Variants in LRFN5 observed in about 807,000 individuals in gnomAD.
The protein encoded by LRFN5 is leucine rich repeat and fibronectin type III domain containing 5, also known as leucine-rich repeat and fibronectin type-III domain-containing protein 5.
A neutral mutation model predicts 45.6 loss-of-function variants in LRFN5; 24 were observed. The observed-to-expected ratio is 0.53, with a 90% CI of 0.38 to 0.74. The LOEUF (loss-of-function observed/expected upper bound fraction) is 0.74, where lower values mean the gene tolerates loss of function less well. Among genes scored for constraint, LRFN5 ranks in the 30% least tolerant of loss-of-function variants. The pLI is 0.00. For synonymous variants in LRFN5, 340 were observed against 313.8 expected (o/e 1.08, Z -0.88); for missense variants, 776 against 861.5 (o/e 0.90, Z 1.24).
intron 1 of LRFN5, among the ~76,000 whole-genome samples, chr14:41,711,914 G>A (rs1883300943): frequency 6.6e-6 from 1 of 152,154 alleles, no homozygotes; most frequent in Admixed American, 6.5e-5. Flanking sequence ...GAATCAAAAT[G>A]ATGCTTAGGA....
chr14:41,814,048 A>G (rs1274231529), intron 2 of LRFN5, among the ~76,000 whole-genome samples: 1 of 151,764 alleles, frequency 6.6e-6, no homozygotes, highest in Non-Finnish European at 1.5e-5. Context: ...GTTCCTTGAG[A>G]TTCTGCATAT....
At chr14:41,728,687 T>C (rs772095476) in intron 1 of LRFN5, among the ~76,000 whole-genome samples, 18 of 152,288 alleles carry the variant, frequency 1.2e-4, no homozygotes, top group Non-Finnish European at 2.2e-4. Flanking sequence ...CACATAAGAA[T>C]GGGAAAGATT....
In LRFN5 at chr14:41,657,920, G is replaced by T. The variant is rs1490251984; in HGVS notation, c.-197+49358G>T. On this transcript the variant is annotated intron_variant, in intron 1 of 5. Coordinates refer to ENST00000298119, the MANE Select transcript of LRFN5 (RefSeq NM_152447.5). ...AAAGAGCTTGTTGAAAACCAGCTTG[G>T]GAGAAAAAGAAAAAAAAAAAACCTC... is the stretch of plus-strand genomic sequence containing the variant. Among the ~76,000 whole-genome samples, 4 of 150,624 alleles carry T rather than the reference G, an allele frequency of 2.7e-5. No individual in the cohort carries two copies. In the South Asian group the frequency reaches 8.3e-4, roughly 31 times the overall value.
At chr14:41,643,454 TC>T (rs1479425965) in intron 1 of LRFN5, among the ~76,000 whole-genome samples, 1 of 152,086 alleles carries the variant, frequency 6.6e-6, no homozygotes, top group Non-Finnish European at 1.5e-5. Flanking sequence ...AAATCCCCTT[TC>T]CCCCCACATA....
intron 4 of LRFN5, chr14:41,892,373 G>C: frequency 7.1e-6 from 7 of 984,890 alleles, no homozygotes; most frequent in Non-Finnish European, 8.4e-6. Context: ...AAATGGATAA[G>C]GGAAAAAGCA....
intron 1 of LRFN5, among the ~76,000 whole-genome samples, chr14:41,757,799 A>T (rs1189080403): frequency 6.6e-6 from 1 of 152,056 alleles, no homozygotes; most frequent in African/African-American, 2.4e-5. Flanking sequence ...AGTGAGATGA[A>T]CCCGGTACCT....
chr14:41,767,258 T>G (rs779861561), intron 2 of LRFN5, among the ~76,000 whole-genome samples: 8 of 152,154 alleles, frequency 5.3e-5, no homozygotes, highest in Non-Finnish European at 1.2e-4. Flanking sequence ...CTGATTTTTT[T>G]TTTTAGGATT....
chr14:41,613,482 C>G (rs549513700), intron 1 of LRFN5, among the ~76,000 whole-genome samples: 77 of 151,954 alleles, frequency 5.1e-4, no homozygotes, highest in Middle Eastern at 3.5e-3. Context: ...TCAAAGCTCA[C>G]ACTGTTCTTG....
chr14:41,843,136 A>C (rs1022378681), intron 2 of LRFN5, among the ~76,000 whole-genome samples: 1 of 134,396 alleles, frequency 7.4e-6, no homozygotes, highest in Non-Finnish European at 1.5e-5. Flanking sequence ...CCCAGGATGG[A>C]GTGTAGTGAT....
intron 2 of LRFN5, among the ~76,000 whole-genome samples, chr14:41,768,641 A>T (rs959341508): frequency 2.0e-5 from 3 of 152,246 alleles, no homozygotes; most frequent in Admixed American, 6.5e-5. Flanking sequence ...AAAATGTAAA[A>T]ATAGTGTGTT....
At chr14:41,835,995 A>G (rs532781048) in intron 2 of LRFN5, among the ~76,000 whole-genome samples, 2 of 152,146 alleles carry the variant, frequency 1.3e-5, no homozygotes, top group African/African-American at 4.8e-5. Context: ...TATAATACAA[A>G]TACTATAATA....
chr14:41,808,341 G>GGGAGGGATGGAGGAAGGAAGGAAT (rs1887600885), intron 2 of LRFN5, among the ~76,000 whole-genome samples: 2 of 123,112 alleles, frequency 1.6e-5, no homozygotes, highest in Non-Finnish European at 3.4e-5. Flanking sequence ...AAGGAAGGAA[G>GGGAGGGATGGAGGAAGGAAGGAAT]GGAGGGATGA....
At chr14:41,658,397 G>A (rs374992758) in intron 1 of LRFN5, among the ~76,000 whole-genome samples, 1 of 151,868 alleles carries the variant, frequency 6.6e-6, no homozygotes, top group East Asian at 1.9e-4. Context: ...ATTAATACAT[G>A]GAACTTTGTC....
At chr14:41,872,771 A>T (rs1166478815) in intron 2 of LRFN5, among the ~76,000 whole-genome samples, 1 of 152,228 alleles carries the variant, frequency 6.6e-6, no homozygotes, top group African/African-American at 2.4e-5. Flanking sequence ...CAAAACAAAC[A>T]TTCTGGGCAA....
chr14:41,618,015 T>A (rs1887982737), intron 1 of LRFN5, among the ~76,000 whole-genome samples: 1 of 152,112 alleles, frequency 6.6e-6, no homozygotes, highest in Admixed American at 6.5e-5. Flanking sequence ...GTGCTTCAGG[T>A]GTTACTCCTG....
chr14:41,704,353 T>C (rs1241085174), intron 1 of LRFN5, among the ~76,000 whole-genome samples: 4 of 151,502 alleles, frequency 2.6e-5, no homozygotes, highest in Non-Finnish European at 5.9e-5. Flanking sequence ...GTATTGCTTG[T>C]ACCTCACTTT....
At chr14:41,830,733 G>C (rs573953690) in intron 2 of LRFN5, among the ~76,000 whole-genome samples, 1 of 152,118 alleles carries the variant, frequency 6.6e-6, no homozygotes, top group Non-Finnish European at 1.5e-5. Flanking sequence ...GAACCATAAA[G>C]GGAAGTTGAT....
At chr14:41,663,146 T>G (rs1176228380) in intron 1 of LRFN5, among the ~76,000 whole-genome samples, 1 of 152,146 alleles carries the variant, frequency 6.6e-6, no homozygotes, top group African/African-American at 2.4e-5. Context: ...TTCTAACATG[T>G]CTTTTTATTT....
At chr14:41,744,989 T>C (rs1884863524) in intron 1 of LRFN5, among the ~76,000 whole-genome samples, 1 of 151,958 alleles carries the variant, frequency 6.6e-6, no homozygotes, top group African/African-American at 2.4e-5. Context: ...AAACAGAAGA[T>C]AAGAAGATAG....
Sources: allele counts gnomAD v4.1 joint callset (sites outside exome capture counted in the v4.1 genomes callset), GRCh38; gene constraint gnomAD v4.1.1; transcripts MANE v1.5; gene names NCBI Gene and HGNC (gene_info 2026-07-23, HGNC 2026-07-21).